Variants in FOXP2 observed in about 807,000 individuals in gnomAD.
FOXP2 encodes forkhead box P2.
Under a neutral mutation model 115.8 loss-of-function variants are expected in FOXP2, and 12 were observed. The ratio of observed to expected loss-of-function variants is 0.10; its 90% CI spans 0.07 to 0.17. The LOEUF (loss-of-function observed/expected upper bound fraction) is 0.17. Among genes scored for constraint, FOXP2 ranks in the 10% least tolerant of loss-of-function variants. The pLI is 1.00. For synonymous variants in FOXP2, 328 were observed against 297.7 expected (o/e 1.10, Z -1.05); for missense variants, 629 against 843.5 (o/e 0.75, Z 3.15).
chr7:114,203,532 C>T (rs1267457737), intron 1 of FOXP2, among the ~76,000 whole-genome samples: 3 of 151,956 alleles, frequency 2.0e-5, no homozygotes, highest in Non-Finnish European at 4.4e-5. Flanking sequence ...TTTGTAGACA[C>T]AGGGCTTTGC....
intron 1 of FOXP2, among the ~76,000 whole-genome samples, chr7:114,154,262 C>A (rs1386839536): frequency 6.6e-6 from 1 of 151,986 alleles, no homozygotes. Context: ...ATTACATATC[C>A]AGCCTTGAAT....
chr7:114,428,206 A>C (rs1793952223), intron 2 of FOXP2, among the ~76,000 whole-genome samples: 2 of 151,654 alleles, frequency 1.3e-5, no homozygotes, highest in African/African-American at 4.8e-5. Context: ...TAGTAATTGT[A>C]AATGAACATC....
intron 1 of FOXP2, among the ~76,000 whole-genome samples, chr7:114,138,506 C>G (rs1792108108): frequency 6.6e-6 from 1 of 151,960 alleles, no homozygotes; most frequent in South Asian, 2.1e-4. Flanking sequence ...ATTCTCCTGC[C>G]TCAGCCTCCC....
intron 3 of FOXP2, among the ~76,000 whole-genome samples, chr7:114,597,084 A>AT (rs1554427545): frequency 6.6e-6 from 1 of 152,054 alleles, no homozygotes; most frequent in South Asian, 2.1e-4. Flanking sequence ...CTCAATGCTC[A>AT]TTTTTTATGA....
intron 2 of FOXP2, among the ~76,000 whole-genome samples, chr7:114,301,085 A>G (rs1267603177): frequency 6.6e-6 from 1 of 152,062 alleles, no homozygotes; most frequent in Non-Finnish European, 1.5e-5. Context: ...TAGAATTTAT[A>G]TTCCCTATCT....
chr7:114,431,242 A>G (rs1794095140), intron 2 of FOXP2, among the ~76,000 whole-genome samples: 1 of 151,922 alleles, frequency 6.6e-6, no homozygotes, highest in Admixed American at 6.6e-5. Context: ...TTTGCATTCA[A>G]TCCTTTCACA....
chr7:114,584,639 A>G (rs1802039748), intron 3 of FOXP2, among the ~76,000 whole-genome samples: 1 of 152,126 alleles, frequency 6.6e-6, no homozygotes, highest in Non-Finnish European at 1.5e-5. Context: ...CAGACTCTCA[A>G]AAATAATTAA....
chr7:114,116,703 A>T (rs1456207818), intron 1 of FOXP2, among the ~76,000 whole-genome samples: 1 of 152,056 alleles, frequency 6.6e-6, no homozygotes, highest in Middle Eastern at 3.2e-3. Flanking sequence ...TTAATAGTAA[A>T]CTATATGGGA....
intron 3 of FOXP2, among the ~76,000 whole-genome samples, chr7:114,557,858 G>A (rs1800542980): frequency 6.6e-6 from 1 of 151,734 alleles, no homozygotes; most frequent in African/African-American, 2.4e-5. Flanking sequence ...CGCCCAGGCT[G>A]GTGTGCAGTG....
At chr7:114,550,186 C>G (rs1007702894) in intron 3 of FOXP2, among the ~76,000 whole-genome samples, 3 of 142,178 alleles carry the variant, frequency 2.1e-5, no homozygotes, top group African/African-American at 8.0e-5. Flanking sequence ...GGTGCGATCT[C>G]GGCTCACTGC....
intron 16 of FOXP2, among the ~76,000 whole-genome samples, chr7:114,680,305 A>G (rs767494692): frequency 6.6e-6 from 1 of 152,246 alleles, no homozygotes; most frequent in Admixed American, 6.5e-5. Flanking sequence ...TTTCATGGAT[A>G]GAACAATTTT....
chr7:114,402,069 C>T (rs1025728973), intron 2 of FOXP2, among the ~76,000 whole-genome samples: 7 of 152,166 alleles, frequency 4.6e-5, no homozygotes, highest in African/African-American at 1.7e-4. Context: ...TTGCAGTGAG[C>T]TGAGATCGTG....
At chr7:114,524,166 A>T (rs947294336) in intron 2 of FOXP2, among the ~76,000 whole-genome samples, 1 of 152,064 alleles carries the variant, frequency 6.6e-6, no homozygotes, top group African/African-American at 2.4e-5. Context: ...ATTATTAAAA[A>T]TTTTTCATCT....
At chr7:114,086,544 T>TG, upstream of FOXP2, 1 of 410,324 alleles carries the variant, frequency 2.4e-6, no homozygotes, top group Admixed American at 2.8e-5. Flanking sequence ...GTGTGTTGTT[T>TG]GGGGGCTTCT....
intron 2 of FOXP2, among the ~76,000 whole-genome samples, chr7:114,517,064 C>T (rs184789629): frequency 3.3e-5 from 5 of 151,314 alleles, no homozygotes; most frequent in Admixed American, 2.6e-4. Flanking sequence ...GAGATGATAC[C>T]TCATTGTGGT....
intron 1 of FOXP2, among the ~76,000 whole-genome samples, chr7:114,134,330 A>G (rs189107660): frequency 3.9e-3 from 596 of 152,274 alleles, no homozygotes; most frequent in Non-Finnish European, 5.2e-3. Context: ...CTATAATGCC[A>G]CAGTATCCCA....
intron 1 of FOXP2, among the ~76,000 whole-genome samples, chr7:114,163,840 G>C (rs1284234985): frequency 1.3e-5 from 2 of 152,130 alleles, no homozygotes; most frequent in Non-Finnish European, 2.9e-5. Context: ...GTGATATAAT[G>C]GTTGTGATAT....
chr7:114,348,271 ATG>A (rs1791395663), intron 2 of FOXP2, among the ~76,000 whole-genome samples: 1 of 152,124 alleles, frequency 6.6e-6, no homozygotes, highest in South Asian at 2.1e-4. Context: ...TTTTCTTAAT[ATG>A]GATGACATCT....
intron 2 of FOXP2, among the ~76,000 whole-genome samples, chr7:114,461,813 T>A (rs75325192): frequency 6.6e-6 from 1 of 152,228 alleles, no homozygotes; most frequent in African/African-American, 2.4e-5. Context: ...TCCCTCAACC[T>A]GCTTCTTAGA....
Sources: gnomAD v4.1 joint callset for allele counts (sites outside exome capture counted in the v4.1 genomes callset) on GRCh38, gnomAD v4.1.1 for gene constraint, MANE v1.5 for transcripts, NCBI Gene and HGNC (gene_info 2026-07-23, HGNC 2026-07-21) for gene names.